The following TOX3 variants were observed in gnomAD, a reference collection of about 807,000 sequenced individuals.
The protein encoded by TOX3 is CAG trinucleotide repeat-containing gene F9 protein.
TOX3 carries 22 observed loss-of-function variants against 64.3 expected under a neutral mutation model. That is an observed-to-expected ratio of 0.34 (90% CI 0.24 to 0.49). The LOEUF is 0.49. TOX3 is among the 20% of genes least tolerant of loss of function. The pLI is 0.99. For synonymous variants in TOX3, 291 were observed against 273.6 expected, an observed-to-expected ratio of 1.06 and a Z score of -0.63; for missense variants, 661 against 714.4, an observed-to-expected ratio of 0.93 and a Z score of 0.85.
At chr16:52,544,372 T>C (rs953362477) in intron 1 of TOX3, among the ~76,000 whole-genome samples, 5 of 152,192 alleles carry the variant, frequency 3.3e-5, no homozygotes, top group Admixed American at 2.0e-4. Context: ...TAAAATTGTG[T>C]TTTTCACTTC....
At chr16:52,451,740 G>A (rs1175410794) in intron 3 of TOX3, among the ~76,000 whole-genome samples, 1 of 152,174 alleles carries the variant, frequency 6.6e-6, no homozygotes, top group African/African-American at 2.4e-5. Flanking sequence ...GCCACTCAAT[G>A]AGAAGATCTA....
intron 1 of TOX3, among the ~76,000 whole-genome samples, chr16:52,496,923 A>T (rs371173636): frequency 0.01 from 1,571 of 152,244 alleles, 21 homozygotes; most frequent in African/African-American, 0.035. Context: ...TAAAAAAAAA[A>T]AGCAAGTGTT....
chr16:52,455,346 C>G (rs1960483132), intron 3 of TOX3, among the ~76,000 whole-genome samples: 2 of 152,138 alleles, frequency 1.3e-5, no homozygotes, highest in South Asian at 4.1e-4. Flanking sequence ...CATCTCTGGC[C>G]TCTACCCACT....
chr16:52,513,617 A>T (rs903549368), intron 1 of TOX3, among the ~76,000 whole-genome samples: 2 of 152,166 alleles, frequency 1.3e-5, no homozygotes, highest in African/African-American at 4.8e-5. Flanking sequence ...AAGTGACCTG[A>T]TTTTTCTGTG....
chr16:52,514,436 C>G (rs182434125), intron 1 of TOX3, among the ~76,000 whole-genome samples: 5 of 152,200 alleles, frequency 3.3e-5, no homozygotes, highest in Non-Finnish European at 7.3e-5. Context: ...CAACTGATGC[C>G]TAACCACTAA....
At chr16:52,467,887 A>T (rs1444849967) in intron 2 of TOX3, among the ~76,000 whole-genome samples, 1 of 152,120 alleles carries the variant, frequency 6.6e-6, no homozygotes, top group East Asian at 1.9e-4. Context: ...TGATTCCATC[A>T]CCCAGTTTCC....
intron 1 of TOX3, among the ~76,000 whole-genome samples, chr16:52,500,062 G>A (rs1961960817): frequency 6.6e-6 from 1 of 152,132 alleles, no homozygotes; most frequent in Admixed American, 6.5e-5. Flanking sequence ...GCAGAGACAG[G>A]GAGCTCTGAT....
chr16:52,538,949 T>A (rs907473734), intron 1 of TOX3, among the ~76,000 whole-genome samples: 2 of 152,176 alleles, frequency 1.3e-5, no homozygotes, highest in South Asian at 4.1e-4. Context: ...CTACTCCTTA[T>A]ATTTTTAAAC....
intron 4 of TOX3, 48 bp downstream of exon 4, chr16:52,450,229 A>G: frequency 6.2e-7 from 1 of 1,605,090 alleles, no homozygotes; most frequent in Non-Finnish European, 8.5e-7. Context: ...AGCATGGGGT[A>G]ATCCCATATT....
intron 3 of TOX3, among the ~76,000 whole-genome samples, chr16:52,461,992 A>T (rs1159574050): frequency 6.6e-6 from 1 of 151,994 alleles, no homozygotes; most frequent in Middle Eastern, 3.2e-3. Context: ...AGTACATTTT[A>T]TTTTTTTCCA....
intron 1 of TOX3, among the ~76,000 whole-genome samples, chr16:52,480,768 G>A (rs1322978412): frequency 6.6e-6 from 1 of 152,140 alleles, no homozygotes; most frequent in Non-Finnish European, 1.5e-5. Flanking sequence ...AAAATATAAT[G>A]CTCTTAAACC....
At chr16:52,530,143 G>A (rs1030028593) in intron 1 of TOX3, among the ~76,000 whole-genome samples, 4 of 152,168 alleles carry the variant, frequency 2.6e-5, no homozygotes, top group Admixed American at 2.0e-4. Context: ...GGGACTTCAA[G>A]AAGGACAAAA....
chr16:52,519,602 A>T, intron 1 of TOX3: 1 of 1,413,022 alleles, frequency 7.1e-7, no homozygotes, highest in East Asian at 2.6e-5. Flanking sequence ...AAAAAAAAAC[A>T]ACATGGTTGG....
At chr16:52,444,966 A>G (rs1333642365) in intron 5 of TOX3, 1 of 152,240 alleles carries the variant, frequency 6.6e-6, no homozygotes, top group Non-Finnish European at 1.5e-5. Context: ...ATTCCAGCAT[A>G]TTAAACATGA....
intron 1 of TOX3, 32 bp downstream of exon 1, chr16:52,546,605 C>T: frequency 6.6e-7 from 1 of 1,524,388 alleles, no homozygotes; most frequent in South Asian, 1.2e-5. Context: ...AGGTGGCCCC[C>T]GCCCCCCGGC....
intron 3 of TOX3, among the ~76,000 whole-genome samples, chr16:52,458,191 T>G (rs1031708557): frequency 6.6e-6 from 1 of 152,204 alleles, no homozygotes; most frequent in African/African-American, 2.4e-5. Context: ...ATTGTCCTTT[T>G]ATTAATTTAT....
At chr16:52,519,582 G>C in intron 1 of TOX3, 1 of 1,433,008 alleles carries the variant, frequency 7.0e-7, no homozygotes, top group Non-Finnish European at 9.2e-7. Flanking sequence ...CATCCTAGCT[G>C]AGCAGACGAA....
intron 1 of TOX3, among the ~76,000 whole-genome samples, chr16:52,520,791 A>T (rs1420354251): frequency 6.6e-6 from 1 of 152,228 alleles, no homozygotes; most frequent in Non-Finnish European, 1.5e-5. Context: ...TTTTGATGCA[A>T]ATGTGTAACC....
chr16:52,479,344 T>G (rs151159661), intron 1 of TOX3, among the ~76,000 whole-genome samples: 1 of 152,184 alleles, frequency 6.6e-6, no homozygotes, highest in Non-Finnish European at 1.5e-5. Flanking sequence ...AGCCTGCAAG[T>G]ATACACTGTG....
Sources: gnomAD v4.1 joint callset for allele counts (sites outside exome capture counted in the v4.1 genomes callset) on GRCh38, gnomAD v4.1.1 for gene constraint, MANE v1.5 for transcripts, NCBI Gene and HGNC (gene_info 2026-07-23, HGNC 2026-07-21) for gene names.